The following GFRA2 variants were observed in gnomAD, a reference collection of about 807,000 sequenced individuals.
The protein encoded by GFRA2 is GDNF family receptor alpha 2.
A neutral mutation model predicts 48.3 loss-of-function variants in GFRA2; 17 were observed. The observed-to-expected ratio is 0.35, with a 90% CI of 0.24 to 0.53. The LOEUF is 0.53. Among genes scored for constraint, GFRA2 ranks in the 20% least tolerant of loss-of-function variants. GFRA2 has a pLI of 0.93. For missense variants in GFRA2, 660 were observed against 637.3 expected, an observed-to-expected ratio of 1.04 and a Z score of -0.38; for synonymous variants, 305 against 257.2, an observed-to-expected ratio of 1.19 and a Z score of -1.78.
intron 4 of GFRA2, among the ~76,000 whole-genome samples, chr8:21,730,444 A>C (rs948479370): frequency 6.6e-6 from 1 of 152,058 alleles, no homozygotes; most frequent in African/African-American, 2.4e-5. Flanking sequence ...AACAGAAATG[A>C]AGGAGCTGCA....
At position 21,788,287 on chromosome 8, in the gene GFRA2, A is replaced by G; in HGVS notation, c.-128T>C. 1 of 1,398,050 alleles carries G rather than the reference A, an allele frequency of 7.2e-7. No individual in the cohort carries two copies. Among genetic ancestry groups the G allele is most frequent in the Non-Finnish European group, 9.3e-7 (1 of 1,072,126 alleles). The allele number at this position is 1,398,050 out of a possible 1,614,324, so 86.6% of individuals were successfully genotyped here. ...CAAATCCAATGCGGAGATCCCAGCT[A>G]GTCCACCCGATGAAGATCCCGAGTC... On this transcript the variant is annotated 5_prime_UTR_variant, in exon 1 of 9. Coordinates refer to ENST00000524240, the MANE Select transcript of GFRA2 (RefSeq NM_001495.5).
chr8:21,732,661 A>T (rs973718789), intron 4 of GFRA2, among the ~76,000 whole-genome samples: 1 of 152,248 alleles, frequency 6.6e-6, no homozygotes, highest in Admixed American at 6.5e-5. Context: ...TGCAGGCCAC[A>T]GACAGGGGCA....
rs756924331 is a variant in GFRA2 at position 21,777,480 on chromosome 8, C to T, written c.356-2425G>A. On this transcript the variant is annotated intron_variant, in intron 2 of 8. Transcript: ENST00000524240. ...AGCCTCTTTAAGTCAACTTGTGTAG[C>T]CTGTTTCTGCCACAGAATTCACCAG... Among the ~76,000 whole-genome samples, 515 of 152,264 alleles carry T rather than the reference C, an allele frequency of 3.4e-3. 1 individual carries two copies. Among genetic ancestry groups the T allele is most frequent in the Non-Finnish European group, 5.5e-3 (371 of 68,008 alleles).
chr8:21,692,628 A>G lies in GFRA2; in HGVS notation c.*650T>C, dbSNP rs1166187863. 1 of 152,014 alleles carries G rather than the reference A, an allele frequency of 6.6e-6. No homozygotes were observed. The highest frequency in any genetic ancestry group is 1.5e-5 in the Non-Finnish European group (1 of 68,060). The allele number at this position is 152,014 out of a possible 1,614,324, so 9.4% of individuals were successfully genotyped here. A position where few individuals can be genotyped will look rare whatever the true frequency, so the allele number is the denominator to read the frequency against. ...TCAAGCCCTCCTGGAGCTGGCCCCC[A>G]GCCCCAACACTCCGTGCTACAGTCA... On this transcript the variant is annotated 3_prime_UTR_variant, in exon 9 of 9. Coordinates refer to ENST00000524240, the MANE Select transcript of GFRA2 (RefSeq NM_001495.5).
chr8:21,740,868 T>C (rs555709265), intron 4 of GFRA2, among the ~76,000 whole-genome samples: 1 of 152,320 alleles, frequency 6.6e-6, no homozygotes, highest in South Asian at 2.1e-4. Flanking sequence ...CGGTGAGTCA[T>C]CCTTGAGCTC....
intron 4 of GFRA2, among the ~76,000 whole-genome samples, chr8:21,715,717 T>C (rs1413951432): frequency 6.6e-6 from 1 of 152,222 alleles, no homozygotes; most frequent in Non-Finnish European, 1.5e-5. Context: ...ACAGGGTCCT[T>C]GTCTAAAGTT....
At chr8:21,704,036 T>C (rs1802616151) in intron 6 of GFRA2, among the ~76,000 whole-genome samples, 1 of 152,270 alleles carries the variant, frequency 6.6e-6, no homozygotes, top group South Asian at 2.1e-4. Flanking sequence ...TGCAAGGCCC[T>C]GCATGACAAG....
intron 4 of GFRA2, among the ~76,000 whole-genome samples, chr8:21,744,371 C>T (rs1467515775): frequency 1.3e-5 from 2 of 152,182 alleles, no homozygotes; most frequent in Admixed American, 6.5e-5. Context: ...ACATCCTCAG[C>T]ACCCAGAGGT....
chr8:21,736,494 G>C (rs530702907), intron 4 of GFRA2, among the ~76,000 whole-genome samples: 1 of 151,978 alleles, frequency 6.6e-6, no homozygotes, highest in South Asian at 2.1e-4. Flanking sequence ...TGTCTTGTCC[G>C]ATTTTTTTTT....
Position 21,706,045 on chromosome 8 carries a change from G to A in GFRA2, c.795-4C>T. On this transcript the variant is annotated splice_polypyrimidine_tract_variant and splice_region_variant and intron_variant, in intron 4 of 8. Coordinates refer to ENST00000524240, the MANE Select transcript of GFRA2 (RefSeq NM_001495.5). ...ATGGAAGTCGGCCAGCCGGGACCTG[G>A]TGGTGGGTAGAAGACGCAATAGAGA... 6.4e-7 allele frequency: 1 copy of A among 1,551,798 alleles called. No individual in the cohort carries two copies. Among genetic ancestry groups the A allele is most frequent in the Non-Finnish European group, 8.7e-7 (1 of 1,144,058 alleles).
At chr8:21,704,102 G>A (rs1428383580) in intron 6 of GFRA2, among the ~76,000 whole-genome samples, 2 of 152,216 alleles carry the variant, frequency 1.3e-5, no homozygotes, top group African/African-American at 4.8e-5. Context: ...TCAGTGCTAT[G>A]TAGCAAGGCT....
chr8:21,692,295 G>A lies in GFRA2; in HGVS notation c.*983C>T, dbSNP rs73552626. 1,597 of 152,252 alleles carry A rather than the reference G, an allele frequency of 0.01. 11 individuals carry two copies. Among genetic ancestry groups the A allele is most frequent in the Middle Eastern group, 0.02 (6 of 298 alleles). The allele number at this position is 152,252 out of a possible 1,614,324, so 9.4% of individuals were successfully genotyped here. ...GGATGTGTATATACATATATGTTAG[G>A]AGAGGAGCCCCGGTATGTACATACA... On this transcript the variant is annotated 3_prime_UTR_variant, in exon 9 of 9. Coordinates refer to ENST00000524240, the MANE Select transcript of GFRA2 (RefSeq NM_001495.5).
chr8:21,735,005 G>A (rs555693679), intron 4 of GFRA2, among the ~76,000 whole-genome samples: 6 of 152,092 alleles, frequency 3.9e-5, no homozygotes, highest in East Asian at 1.9e-4. Context: ...CCCCCTCCCC[G>A]CTTCAAGTTG....
Position 21,691,757 on chromosome 8 carries a change from A to C in GFRA2, c.*1521T>G, listed in dbSNP as rs1211496533. The stretch of plus-strand genomic sequence containing the variant: ...ATTTGCGCCAACTGGAGAAGTGAGC[A>C]AAGAGGGAACAGAACAGCCCACCAG... On this transcript the variant is annotated 3_prime_UTR_variant, in exon 9 of 9. Transcript: ENST00000524240. 3 of 152,324 alleles carry C rather than the reference A, an allele frequency of 2.0e-5. No individual in the cohort carries two copies. The highest frequency in any genetic ancestry group is 7.2e-5 in the African/African-American group (3 of 41,466). 9.4% of individuals were successfully genotyped at this position (152,324 alleles called of 1,614,324 possible).
chr8:21,694,039 TGA>T (rs1268354524), intron 8 of GFRA2, among the ~76,000 whole-genome samples: 1 of 109,200 alleles, frequency 9.2e-6, no homozygotes, highest in Admixed American at 8.7e-5. Flanking sequence ...GTCATATATA[TGA>T]GATATATATA....
intron 3 of GFRA2, among the ~76,000 whole-genome samples, chr8:21,754,599 C>T (rs577546073): frequency 6.1e-4 from 92 of 150,346 alleles, no homozygotes; most frequent in African/African-American, 2.2e-3. Flanking sequence ...ACCTCTGCCT[C>T]CTGGGTTCAA....
intron 3 of GFRA2, among the ~76,000 whole-genome samples, chr8:21,755,898 G>A (rs1213394634): frequency 1.3e-5 from 2 of 152,238 alleles, no homozygotes; most frequent in Non-Finnish European, 2.9e-5. Context: ...TTCTGCCCAG[G>A]ACAGAAGGAT....
At chr8:21,710,171 T>C (rs1352701554) in intron 4 of GFRA2, among the ~76,000 whole-genome samples, 1 of 152,108 alleles carries the variant, frequency 6.6e-6, no homozygotes, top group Admixed American at 6.5e-5. Context: ...GCCTGTCATG[T>C]CTCTGGGGCT....
intron 8 of GFRA2, among the ~76,000 whole-genome samples, chr8:21,693,767 G>GAGGGGA (rs368685168): frequency 0.024 from 23 of 976 alleles, no homozygotes; most frequent in African/African-American, 0.04. Context: ...AGAAGAAGGA[G>GAGGGGA]AGGAGAGAGG....
Sources: allele counts gnomAD v4.1 joint callset (sites outside exome capture counted in the v4.1 genomes callset), GRCh38; gene constraint gnomAD v4.1.1; transcripts MANE v1.5; gene names NCBI Gene and HGNC (gene_info 2026-07-23, HGNC 2026-07-21).